The following C16orf74 variants were observed in gnomAD, a reference collection of about 807,000 sequenced individuals.
The protein encoded by C16orf74 is uncharacterized protein C16orf74.
In C16orf74, 10 loss-of-function variants were observed where a neutral mutation model predicts 6.5. The observed-to-expected ratio is 1.54, with a 90% CI of 0.95 to 2.61. The LOEUF is 2.61. Ranked by LOEUF, C16orf74 falls within the 30% of genes most tolerant of loss-of-function variation. The pLI is 0.00. For missense variants in C16orf74, 141 were observed against 105.9 expected, an observed-to-expected ratio of 1.33 and a Z score of -1.45; for synonymous variants, 60 against 42.5, an observed-to-expected ratio of 1.41 and a Z score of -1.60.
intron 1 of C16orf74, among the ~76,000 whole-genome samples, chr16:85,744,749 C>G (rs537985523): frequency 2.6e-4 from 38 of 143,812 alleles, no homozygotes; most frequent in African/African-American, 9.0e-4. Context: ...AGAATGGTGT[C>G]AGCCCACGAG....
chr16:85,735,070 TAAGGGATG>T (rs1488281025), intron 2 of C16orf74, 112 bp downstream of exon 2: 2 of 784,344 alleles, frequency 2.5e-6, no homozygotes, highest in Non-Finnish European at 4.0e-6. Context: ...AGGACTGCTT[TAAGGGATG>T]GTGCCCTGCT....
chr16:85,709,921 A>G (rs1047311957), intron 3 of C16orf74, among the ~76,000 whole-genome samples: 1 of 152,254 alleles, frequency 6.6e-6, no homozygotes, highest in Admixed American at 6.5e-5. Flanking sequence ...CCATCCATCA[A>G]GCGTCCTGGC....
intron 3 of C16orf74, 51 bp downstream of exon 3, chr16:85,710,113 C>T: frequency 5.8e-6 from 8 of 1,367,886 alleles, no homozygotes; most frequent in Non-Finnish European, 7.5e-6. Flanking sequence ...GAGCTGTCTC[C>T]ACCGGGCCCC....
chr16:85,733,915 C>A (rs907648991), intron 2 of C16orf74, among the ~76,000 whole-genome samples: 2 of 152,206 alleles, frequency 1.3e-5, no homozygotes, highest in Admixed American at 6.5e-5. Flanking sequence ...AGATGCACCT[C>A]CCTCCAGGCC....
At chr16:85,726,013 C>A (rs2054129225) in intron 2 of C16orf74, among the ~76,000 whole-genome samples, 1 of 152,176 alleles carries the variant, frequency 6.6e-6, no homozygotes, top group African/African-American at 2.4e-5. Context: ...CTCACCAGCT[C>A]AGTGTGCTTG....
intron 1 of C16orf74, among the ~76,000 whole-genome samples, chr16:85,738,436 T>C (rs1398024316): frequency 1.3e-5 from 2 of 150,752 alleles, no homozygotes; most frequent in East Asian, 4.0e-4. Flanking sequence ...GTGATTCTCC[T>C]GCCTCAGCCT....
chr16:85,711,783 CA>C (rs2053973273), intron 2 of C16orf74, among the ~76,000 whole-genome samples: 1 of 152,178 alleles, frequency 6.6e-6, no homozygotes, highest in African/African-American at 2.4e-5. Context: ...AGCCCCTGAC[CA>C]ACAGGAGAAG....
chr16:85,738,690 T>G (rs1252191535), intron 1 of C16orf74, among the ~76,000 whole-genome samples: 3 of 151,564 alleles, frequency 2.0e-5, no homozygotes, highest in African/African-American at 7.3e-5. Flanking sequence ...AGAGAATCCT[T>G]CCCTATGGGA....
At chr16:85,715,161 A>C (rs1235789635) in intron 2 of C16orf74, among the ~76,000 whole-genome samples, 1 of 151,700 alleles carries the variant, frequency 6.6e-6, no homozygotes, top group Admixed American at 6.6e-5. Flanking sequence ...CGTCTCAAAA[A>C]AAAAAAAAAA....
At chr16:85,710,590 C>T (rs1187188892) in intron 2 of C16orf74, 15 of 385,554 alleles carry the variant, frequency 3.9e-5, no homozygotes, top group Non-Finnish European at 6.0e-5. Context: ...TCAGCCTTTA[C>T]CATGTGGCCC....
intron 2 of C16orf74, among the ~76,000 whole-genome samples, chr16:85,726,809 C>T (rs2054138344): frequency 6.6e-6 from 1 of 152,210 alleles, no homozygotes; most frequent in African/African-American, 2.4e-5. Context: ...CTACCATCCT[C>T]TCCGGCGTTG....
intron 2 of C16orf74, among the ~76,000 whole-genome samples, chr16:85,727,231 G>A (rs927523399): frequency 1.3e-5 from 2 of 152,216 alleles, no homozygotes; most frequent in African/African-American, 4.8e-5. Flanking sequence ...GCCATATGGA[G>A]GGATTCTGGG....
intron 2 of C16orf74, among the ~76,000 whole-genome samples, chr16:85,719,712 G>A (rs2054059999): frequency 6.6e-6 from 1 of 152,148 alleles, no homozygotes; most frequent in Non-Finnish European, 1.5e-5. Flanking sequence ...TTTTCAGAAG[G>A]GGTCAATCAG....
At position 85,748,749 on chromosome 16, in the gene C16orf74, G is replaced by C. The variant is rs1431752392; in HGVS notation, c.-19+2177C>G. 2.0e-5 allele frequency among the ~76,000 whole-genome samples: 3 copies of C among 152,126 alleles called. No individual in the cohort carries two copies. In the East Asian group the frequency reaches 5.8e-4, roughly 29 times the overall value. Reference sequence around the variant, plus strand: ...CTTAAAGGGACTGTCCTATTAGTCTGAAGGTCTGCACTGATGTTAATGCTG... The same window carrying C: ...CTTAAAGGGACTGTCCTATTAGTCTCAAGGTCTGCACTGATGTTAATGCTG... On this transcript the variant is annotated intron_variant, in intron 1 of 3. Coordinates refer to ENST00000284245, the MANE Select transcript of C16orf74 (RefSeq NM_206967.3).
intron 3 of C16orf74, among the ~76,000 whole-genome samples, chr16:85,709,034 G>A (rs1166031861): frequency 6.6e-6 from 1 of 152,250 alleles, no homozygotes; most frequent in Non-Finnish European, 1.5e-5. Context: ...CATGGCAAGT[G>A]TCTCAGCCTC....
rs1400421872 is a variant in C16orf74, at chr16:85,713,253, G to A, written c.29-2946C>T. Among the ~76,000 whole-genome samples the A allele has an allele frequency of 8.6e-5, 13 of 151,926 alleles. No homozygotes were observed. In the East Asian group the frequency reaches 1.2e-3, roughly 14 times the overall value. On this transcript the variant is annotated intron_variant, in intron 2 of 3. Coordinates refer to ENST00000284245, the MANE Select transcript of C16orf74 (RefSeq NM_206967.3). ...TGCCTTCACATTGTATTCTCCCTGCGTCTTGTCTCTGTCCAGACTCCCCCC... is the reference window on the plus strand; with the variant it reads ...TGCCTTCACATTGTATTCTCCCTGCATCTTGTCTCTGTCCAGACTCCCCCC...
chr16:85,719,828 AACATAGGG>A (rs1240956444), intron 2 of C16orf74, among the ~76,000 whole-genome samples: 24 of 150,254 alleles, frequency 1.6e-4, no homozygotes, highest in Middle Eastern at 3.5e-3. Context: ...CTGAGGCAGG[AACATAGGG>A]GCCACAGGCC....
chr16:85,737,449 G>T (rs2054257106), intron 1 of C16orf74, among the ~76,000 whole-genome samples: 1 of 152,200 alleles, frequency 6.6e-6, no homozygotes, highest in African/African-American at 2.4e-5. Context: ...TGTCATCCCA[G>T]CACTTGGGGA....
intron 1 of C16orf74, among the ~76,000 whole-genome samples, chr16:85,749,727 C>G (rs546941589): frequency 6.6e-6 from 1 of 152,332 alleles, no homozygotes; most frequent in Non-Finnish European, 1.5e-5. Flanking sequence ...TGTCCACTGA[C>G]GGCACGCTCC....
Sources: gnomAD v4.1 joint callset for allele counts (sites outside exome capture counted in the v4.1 genomes callset) on GRCh38, gnomAD v4.1.1 for gene constraint, MANE v1.5 for transcripts, NCBI Gene and HGNC (gene_info 2026-07-23, HGNC 2026-07-21) for gene names.